The following WWC2 variants were observed in gnomAD, a reference collection of about 807,000 sequenced individuals.
WWC2 encodes protein WWC2.
In WWC2, 101 loss-of-function variants were observed where a neutral mutation model predicts 138.5. That is an observed-to-expected ratio of 0.73 (90% CI 0.62 to 0.86). The LOEUF (loss-of-function observed/expected upper bound fraction) is 0.86, where lower values mean the gene tolerates loss of function less well. Ranked by LOEUF, WWC2 falls within the 40% of genes least tolerant of loss-of-function variation. WWC2 has a pLI of 0.00. For synonymous variants in WWC2, 558 were observed against 538.4 expected (o/e 1.04, Z -0.50); for missense variants, 1,420 against 1,419.4 (o/e 1.00, Z -0.01).
intron 20 of WWC2, 47 bp from the exon 21 acceptor site, chr4:183,289,346 C>T: frequency 6.3e-7 from 1 of 1,585,792 alleles, no homozygotes; most frequent in East Asian, 2.3e-5. Flanking sequence ...GGGGTAACCA[C>T]TGCCTGTATA....
At chr4:183,315,486 C>CG (rs140144806) in intron 22 of WWC2, among the ~76,000 whole-genome samples, 177 bp from the exon 23 acceptor site, 3,366 of 152,202 alleles carry the variant, frequency 0.022, 129 homozygotes, top group African/African-American at 0.076. Flanking sequence ...TTGATACCCC[C>CG]CCTTTAAGCA....
intron 1 of WWC2, among the ~76,000 whole-genome samples, chr4:183,118,834 G>A (rs1732506007): frequency 6.6e-6 from 1 of 152,146 alleles, no homozygotes; most frequent in African/African-American, 2.4e-5. Context: ...CCAGTTGTCT[G>A]ACCGGGTTTA....
intron 20 of WWC2, among the ~76,000 whole-genome samples, chr4:183,286,881 T>C (rs112087488): frequency 0.012 from 1,806 of 152,192 alleles, 37 homozygotes; most frequent in African/African-American, 0.041. Context: ...AAGGGCTCAG[T>C]TGACAGCAGT....
intron 1 of WWC2, among the ~76,000 whole-genome samples, chr4:183,103,087 TCA>T (rs1309335776): frequency 6.6e-6 from 1 of 152,022 alleles, no homozygotes; most frequent in Non-Finnish European, 1.5e-5. Flanking sequence ...CTGAAAGATT[TCA>T]CACCATGCAA....
At chr4:183,287,129 G>C (rs1295168711) in intron 20 of WWC2, among the ~76,000 whole-genome samples, 1 of 152,162 alleles carries the variant, frequency 6.6e-6, no homozygotes, top group Non-Finnish European at 1.5e-5. Context: ...GGCCACTCTG[G>C]TCTCATTCTG....
At chr4:183,280,530 T>A (rs78931983) in intron 16 of WWC2, among the ~76,000 whole-genome samples, 3,233 of 152,136 alleles carry the variant, frequency 0.021, 117 homozygotes, top group African/African-American at 0.074. Context: ...GCTCACCTTA[T>A]TATATTTCTG....
chr4:183,261,733 T>G (rs1192866494), intron 11 of WWC2, among the ~76,000 whole-genome samples: 17 of 152,208 alleles, frequency 1.1e-4, no homozygotes, highest in Admixed American at 1.1e-3. Context: ...CCTTCCCTAT[T>G]TAGTAGACTT....
At chr4:183,155,949 T>G (rs542106070) in intron 1 of WWC2, among the ~76,000 whole-genome samples, 12 of 152,228 alleles carry the variant, frequency 7.9e-5, no homozygotes, top group Non-Finnish European at 1.6e-4. Flanking sequence ...TCAAGTTTTC[T>G]GAATTGAGAT....
intron 6 of WWC2, among the ~76,000 whole-genome samples, chr4:183,246,894 T>C (rs2111326267): frequency 6.6e-6 from 1 of 152,302 alleles, no homozygotes; most frequent in South Asian, 2.1e-4. Flanking sequence ...TTAATAGAAC[T>C]GGAGCAAATC....
Position 183,265,695 on chromosome 4 carries a change from G to A in WWC2, c.2047G>A (p.Glu683Lys). The part of the protein sequence containing the change: ...VYEAFVKQPS[E>K]MEDVTYSEED... Reference sequence around the variant, plus strand: ...TACTCCCTGTCCATATAGACCTAGTGAAATGGAAGATGTCACATACAGTGA... The same window carrying A: ...TACTCCCTGTCCATATAGACCTAGTAAAATGGAAGATGTCACATACAGTGA... The change falls in exon 13 of 23, where the codon GAA becomes AAA. Residue 683 changes from glutamate (E) to lysine (K), a missense_variant. Glu to Lys is a moderately conservative substitution (Grantham distance 56). Transcript: ENST00000403733. 1 of 1,610,222 alleles carries A rather than the reference G, an allele frequency of 6.2e-7. No individual in the cohort carries two copies. Among genetic ancestry groups the A allele is most frequent in the Non-Finnish European group, 8.5e-7 (1 of 1,178,284 alleles).
intron 4 of WWC2, among the ~76,000 whole-genome samples, chr4:183,226,095 C>CTTTTTTTTTTTTTTTTTTTT: frequency 8.8e-6 from 1 of 113,528 alleles, no homozygotes; most frequent in Non-Finnish European, 1.7e-5. Context: ...CTTTTCTTTT[C>CTTTTTTTTTTTTTTTTTTTT]TTTTTTTTTT....
chr4:183,136,272 C>A (rs749676512), intron 1 of WWC2, among the ~76,000 whole-genome samples: 29 of 151,782 alleles, frequency 1.9e-4, no homozygotes, highest in Non-Finnish European at 5.9e-5. Context: ...TGGTCTATAC[C>A]TCTTTCATAT....
At chr4:183,158,731 G>A (rs1460746010) in intron 1 of WWC2, among the ~76,000 whole-genome samples, 1 of 152,036 alleles carries the variant, frequency 6.6e-6, no homozygotes, top group African/African-American at 2.4e-5. Flanking sequence ...AGTAAAAACT[G>A]TAGCACCATT....
At chr4:183,143,832 T>C (rs200105418) in intron 1 of WWC2, among the ~76,000 whole-genome samples, 1 of 151,226 alleles carries the variant, frequency 6.6e-6, no homozygotes, top group Non-Finnish European at 1.5e-5. Context: ...AAAAAAAAAA[T>C]ACACACAAAC....
At position 183,239,313 on chromosome 4, in the gene WWC2, C is replaced by CA. The variant is rs1224513949; in HGVS notation, c.523-860dup. Among the ~76,000 whole-genome samples the CA allele has an allele frequency of 6.6e-3, 938 of 141,536 alleles. 2 individuals carry two copies. The highest frequency in any genetic ancestry group is 9.2e-3 in the Non-Finnish European group (595 of 64,668). The allele number at this position is 141,536 out of a possible 152,430, so 92.9% of individuals were successfully genotyped here. A position where few individuals can be genotyped will look rare whatever the true frequency, so the allele number is the denominator to read the frequency against. ...TGGTCGACAGAGCAAGACTCTGTCTCAAAAAAAAAACAAACAAACAACAGA... is the reference window on the plus strand; with the variant it reads ...TGGTCGACAGAGCAAGACTCTGTCTCAAAAAAAAAAACAAACAAACAACAGA... On this transcript the variant is annotated intron_variant, in intron 4 of 22. Transcript: ENST00000403733.
At chr4:183,279,720 G>T (rs906173522) in intron 16 of WWC2, among the ~76,000 whole-genome samples, 3 of 151,854 alleles carry the variant, frequency 2.0e-5, no homozygotes, top group Non-Finnish European at 4.4e-5. Flanking sequence ...TGTATGTGTC[G>T]AGGAATTTAT....
intron 16 of WWC2, among the ~76,000 whole-genome samples, chr4:183,275,538 T>C (rs1025654755): frequency 1.3e-5 from 2 of 152,162 alleles, no homozygotes; most frequent in Non-Finnish European, 2.9e-5. Context: ...ATTTGTAAAA[T>C]GCCTTTGTTG....
intron 19 of WWC2, among the ~76,000 whole-genome samples, chr4:183,285,714 C>G (rs1310716143): frequency 2.6e-5 from 4 of 152,010 alleles, no homozygotes; most frequent in African/African-American, 9.7e-5. Context: ...GAGCCGAGAT[C>G]ACGCCACTGC....
At chr4:183,192,732 T>C (rs2111208909) in intron 1 of WWC2, among the ~76,000 whole-genome samples, 1 of 152,204 alleles carries the variant, frequency 6.6e-6, no homozygotes, top group African/African-American at 2.4e-5. Flanking sequence ...TGCTAGTGCA[T>C]TAAATTAGAA....
Sources: gnomAD v4.1 joint callset for allele counts (sites outside exome capture counted in the v4.1 genomes callset) on GRCh38, gnomAD v4.1.1 for gene constraint, MANE v1.5 for transcripts, NCBI Gene and HGNC (gene_info 2026-07-23, HGNC 2026-07-21) for gene names.